The following PTPRT variants were observed in gnomAD, a reference collection of about 807,000 sequenced individuals.
The protein encoded by PTPRT is receptor-type tyrosine-protein phosphatase T.
Under a neutral mutation model 176.8 loss-of-function variants are expected in PTPRT, and 56 were observed. The observed-to-expected ratio is 0.32, with a 90% confidence interval of 0.26 to 0.40. The LOEUF is 0.40. Among genes scored for constraint, PTPRT ranks in the 10% least tolerant of loss-of-function variants. The pLI, the probability that PTPRT is intolerant of heterozygous loss-of-function variation, is 1.00. For missense variants in PTPRT, 1,540 were observed against 1,908.2 expected (o/e 0.81, Z 3.60); for synonymous variants, 783 against 739.0 (o/e 1.06, Z -0.96).
chr20:42,961,076 A>T (rs1981958272), intron 1 of PTPRT, among the ~76,000 whole-genome samples: 1 of 152,162 alleles, frequency 6.6e-6, no homozygotes, highest in Admixed American at 6.5e-5. Flanking sequence ...TCTTTTTTTA[A>T]AAAAATGAGA....
chr20:42,770,517 A>G (rs1041014058), intron 5 of PTPRT, among the ~76,000 whole-genome samples: 4 of 152,188 alleles, frequency 2.6e-5, no homozygotes, highest in African/African-American at 9.7e-5. Flanking sequence ...TCTTTCTTGG[A>G]AAGTGGGATG....
chr20:42,522,840 C>T (rs865822095), intron 7 of PTPRT, among the ~76,000 whole-genome samples: 44 of 152,058 alleles, frequency 2.9e-4, no homozygotes, highest in African/African-American at 1.0e-3. Flanking sequence ...AATTGGTTTC[C>T]CTGAGCATTT....
intron 1 of PTPRT, among the ~76,000 whole-genome samples, chr20:43,073,731 T>C (rs1778739323): frequency 6.6e-6 from 1 of 151,930 alleles, no homozygotes; most frequent in Non-Finnish European, 1.5e-5. Context: ...AGGTTACAAT[T>C]GTTTGGCTGG....
At chr20:42,326,589 A>G (rs530249982) in intron 11 of PTPRT, among the ~76,000 whole-genome samples, 1 of 152,312 alleles carries the variant, frequency 6.6e-6, no homozygotes, top group East Asian at 1.9e-4. Context: ...AAAAATAGCT[A>G]AGGAAAACAC....
rs141376232 is a variant in PTPRT, at chr20:42,559,212, C to T, written c.1154-86650G>A. On this transcript the variant is annotated intron_variant, in intron 7 of 30. Coordinates refer to ENST00000373187, the MANE Select transcript of PTPRT (RefSeq NM_007050.6). The stretch of plus-strand genomic sequence containing the variant: ...GGATTTAATGTTTAATTCCATGCTG[C>T]CTGATCTGTGATGTATACAAGGATT... 5.0e-3 allele frequency among the ~76,000 whole-genome samples: 758 copies of T among 152,236 alleles called. 5 individuals are homozygous for T. Among genetic ancestry groups the T allele is most frequent in the African/African-American group, 0.017 (723 of 41,542 alleles).
intron 9 of PTPRT, among the ~76,000 whole-genome samples, chr20:42,358,023 G>A (rs1267141224): frequency 2.0e-5 from 3 of 151,416 alleles, no homozygotes; most frequent in African/African-American, 4.8e-5. Context: ...ACATGACAAC[G>A]AAATGCTATG....
intron 1 of PTPRT, among the ~76,000 whole-genome samples, chr20:43,066,319 G>C (rs1325264831): frequency 1.3e-5 from 2 of 152,272 alleles, no homozygotes; most frequent in South Asian, 2.1e-4. Context: ...TCACCTACGG[G>C]AGCACTTCTC....
At chr20:42,447,260 C>G (rs988235186) in intron 9 of PTPRT, among the ~76,000 whole-genome samples, 2 of 152,054 alleles carry the variant, frequency 1.3e-5, no homozygotes, top group African/African-American at 2.4e-5. Context: ...CTTTCCCCCT[C>G]GTCAGATTCC....
intron 1 of PTPRT, among the ~76,000 whole-genome samples, chr20:43,109,742 C>T (rs896954474): frequency 6.6e-6 from 1 of 152,046 alleles, no homozygotes; most frequent in African/African-American, 2.4e-5. Context: ...CAAGGAAGAT[C>T]CTGCTGAAGG....
At chr20:42,523,252 TCTCC>T (rs1212313880) in intron 7 of PTPRT, among the ~76,000 whole-genome samples, 1 of 149,946 alleles carries the variant, frequency 6.7e-6, no homozygotes, top group Non-Finnish European at 1.5e-5. Context: ...TTCCTCTCCT[TCTCC>T]CTGAGTAGTC....
chr20:42,161,397 C>A lies in PTPRT; in HGVS notation c.2637G>T (p.Thr879=). The A allele has an allele frequency of 6.2e-7, 1 of 1,614,110 alleles. No individual in the cohort carries two copies. Among genetic ancestry groups the A allele is most frequent in the Non-Finnish European group, 8.5e-7 (1 of 1,180,028 alleles). Reference sequence around the variant, plus strand: ...CGTAGCCCTGGCCTCTCTTCATCTGCGTGATGTGCTGCAGCAAGTCAGCCA... The same window carrying A: ...CGTAGCCCTGGCCTCTCTTCATCTGAGTGATGTGCTGCAGCAAGTCAGCCA... ...IRVADLLQHI[T]QMKRGQGYGF... is the part of the protein sequence containing the mutation. Residue 879 remains threonine (T), a synonymous_variant, in exon 17 of 31, where the codon ACG becomes ACT. Transcript: ENST00000373187.
At chr20:42,456,177 G>A (rs1417929506) in intron 8 of PTPRT, among the ~76,000 whole-genome samples, 1 of 151,886 alleles carries the variant, frequency 6.6e-6, no homozygotes, top group African/African-American at 2.4e-5. Context: ...TGTACATAAT[G>A]TCTTTAAGAA....
chr20:42,557,495 T>G (rs1381065434), intron 7 of PTPRT, among the ~76,000 whole-genome samples: 1 of 152,070 alleles, frequency 6.6e-6, no homozygotes, highest in South Asian at 2.1e-4. Flanking sequence ...TAAAACTGAC[T>G]CATAACCCCA....
intron 6 of PTPRT, among the ~76,000 whole-genome samples, chr20:42,728,638 C>G (rs561345427): frequency 6.6e-6 from 1 of 152,134 alleles, no homozygotes; most frequent in African/African-American, 2.4e-5. Flanking sequence ...TGTTCCTACA[C>G]GACAGCTGAT....
chr20:43,116,593 C>A (rs2013067176), intron 1 of PTPRT, among the ~76,000 whole-genome samples: 1 of 152,172 alleles, frequency 6.6e-6, no homozygotes. Context: ...ACATTATCAC[C>A]TATAAGAAAT....
chr20:42,476,828 G>A (rs1179007800), intron 7 of PTPRT, among the ~76,000 whole-genome samples: 1 of 152,210 alleles, frequency 6.6e-6, no homozygotes, highest in African/African-American at 2.4e-5. Flanking sequence ...GAGACTCAGT[G>A]AAGAGATGTA....
intron 1 of PTPRT, among the ~76,000 whole-genome samples, chr20:42,989,110 T>A (rs1983754458): frequency 6.6e-6 from 1 of 152,256 alleles, no homozygotes; most frequent in African/African-American, 2.4e-5. Flanking sequence ...GGCATTATTA[T>A]GCCCATTTTA....
chr20:43,051,754 A>G (rs1420842039), intron 1 of PTPRT, among the ~76,000 whole-genome samples: 3 of 152,046 alleles, frequency 2.0e-5, no homozygotes, highest in Admixed American at 2.0e-4. Flanking sequence ...ATCAAAGACA[A>G]TATTTTACTC....
chr20:43,005,513 C>G (rs1984806891), intron 1 of PTPRT, among the ~76,000 whole-genome samples: 1 of 152,146 alleles, frequency 6.6e-6, no homozygotes, highest in Non-Finnish European at 1.5e-5. Context: ...CACTACAACA[C>G]CCTGCTTGTC....
Sources: allele counts gnomAD v4.1 joint callset (sites outside exome capture counted in the v4.1 genomes callset), GRCh38; gene constraint gnomAD v4.1.1; transcripts MANE v1.5; gene names NCBI Gene and HGNC (gene_info 2026-07-23, HGNC 2026-07-21).